The following DPP10 variants were observed in gnomAD, a reference collection of about 807,000 sequenced individuals.
DPP10 encodes inactive dipeptidyl peptidase 10.
In DPP10, 33 loss-of-function variants were observed where a neutral mutation model predicts 120.9. The observed-to-expected ratio is 0.27, with a 90% CI of 0.21 to 0.37. DPP10 has a LOEUF of 0.37. Among genes scored for constraint, DPP10 ranks in the 10% least tolerant of loss-of-function variants. The pLI is 1.00. For synonymous variants in DPP10, 337 were observed against 326.1 expected, an observed-to-expected ratio of 1.03 and a Z score of -0.36; for missense variants, 816 against 942.8, an observed-to-expected ratio of 0.87 and a Z score of 1.76.
intron 2 of DPP10, among the ~76,000 whole-genome samples, chr2:115,342,803 A>AT (rs2106253800): frequency 6.6e-6 from 1 of 151,898 alleles, no homozygotes; most frequent in African/African-American, 2.4e-5. Flanking sequence ...TTTTTTTTCC[A>AT]TTTTTTCTTG....
At chr2:114,962,638 T>C (rs992184743) in intron 1 of DPP10, among the ~76,000 whole-genome samples, 1 of 152,230 alleles carries the variant, frequency 6.6e-6, no homozygotes, top group Non-Finnish European at 1.5e-5. Context: ...TTACGATGTC[T>C]GCCCTTTGAG....
intron 5 of DPP10, among the ~76,000 whole-genome samples, chr2:115,587,573 C>T (rs527719343): frequency 6.6e-6 from 1 of 152,186 alleles, no homozygotes; most frequent in East Asian, 1.9e-4. Context: ...CTTCGTGCAC[C>T]CCCATGTTCT....
At chr2:115,085,855 C>T (rs1218861841) in intron 1 of DPP10, among the ~76,000 whole-genome samples, 2 of 152,186 alleles carry the variant, frequency 1.3e-5, no homozygotes, top group Non-Finnish European at 2.9e-5. Flanking sequence ...TCACCAACTC[C>T]TATATGAGGA....
intron 1 of DPP10, among the ~76,000 whole-genome samples, chr2:114,511,993 C>T (rs1684185710): frequency 6.6e-6 from 1 of 152,166 alleles, no homozygotes; most frequent in African/African-American, 2.4e-5. Context: ...ACTATCAAAA[C>T]AATAATCTTT....
At chr2:114,497,066 T>C (rs570396221) in intron 1 of DPP10, among the ~76,000 whole-genome samples, 2,249 of 150,406 alleles carry the variant, frequency 0.015, 56 homozygotes, top group African/African-American at 0.052. Context: ...CATATATACA[T>C]ACACATATAC....
At chr2:115,351,123 G>A (rs1229581589) in intron 3 of DPP10, among the ~76,000 whole-genome samples, 2 of 151,926 alleles carry the variant, frequency 1.3e-5, no homozygotes, top group Non-Finnish European at 2.9e-5. Context: ...ATCAACCTAG[G>A]TGCCCCAAAA....
chr2:115,356,808 A>G (rs2064425452), intron 3 of DPP10, among the ~76,000 whole-genome samples: 1 of 152,092 alleles, frequency 6.6e-6, no homozygotes, highest in Non-Finnish European at 1.5e-5. Flanking sequence ...TGTCTTTGCT[A>G]TTGTAAAGGG....
chr2:115,715,730 CTT>C (rs569326794), intron 7 of DPP10, among the ~76,000 whole-genome samples: 120 of 152,308 alleles, frequency 7.9e-4, no homozygotes, highest in African/African-American at 2.9e-3. Context: ...CACATGCACA[CTT>C]TTCTTTTTTC....
intron 7 of DPP10, among the ~76,000 whole-genome samples, chr2:115,717,912 T>A (rs2092545178): frequency 6.6e-6 from 1 of 152,070 alleles, no homozygotes; most frequent in Admixed American, 6.6e-5. Context: ...TGTCTTATGG[T>A]TAAAGACTGG....
intron 5 of DPP10, among the ~76,000 whole-genome samples, chr2:115,562,752 T>C (rs1254020733): frequency 6.6e-6 from 1 of 152,202 alleles, no homozygotes; most frequent in Admixed American, 6.5e-5. Context: ...TGAAAAACAC[T>C]ATTTCAGTTT....
chr2:115,544,624 G>T (rs1022747814), intron 5 of DPP10, among the ~76,000 whole-genome samples: 1 of 152,022 alleles, frequency 6.6e-6, no homozygotes, highest in East Asian at 1.9e-4. Context: ...GTATAACTCT[G>T]GTTATAGGCT....
chr2:115,268,471 A>G (rs1464265645), intron 1 of DPP10, among the ~76,000 whole-genome samples: 1 of 152,312 alleles, frequency 6.6e-6, no homozygotes, highest in East Asian at 1.9e-4. Context: ...GACTTCCTAA[A>G]ATACGATGCA....
At chr2:115,175,491 C>A (rs908563845) in intron 1 of DPP10, among the ~76,000 whole-genome samples, 1 of 152,288 alleles carries the variant, frequency 6.6e-6, no homozygotes, top group South Asian at 2.1e-4. Context: ...CAAGCTACTT[C>A]CCTTCCCTTG....
Position 114,923,879 on chromosome 2 carries a change from T to C in DPP10, c.61-385360T>C, listed in dbSNP as rs187466394. Reference sequence around the variant, plus strand: ...ATGTTTTTGGTGTCATATCTAAGAATATTATTTAATTTGTTTTTTATTTTT... The same window carrying C: ...ATGTTTTTGGTGTCATATCTAAGAACATTATTTAATTTGTTTTTTATTTTT... On this transcript the variant is annotated intron_variant, in intron 1 of 25. Coordinates refer to ENST00000410059, the MANE Select transcript of DPP10 (RefSeq NM_020868.6). 1.3e-4 allele frequency among the ~76,000 whole-genome samples: 20 copies of C among 152,276 alleles called. 1 individual carries two copies. In the Middle Eastern group the frequency reaches 0.017, roughly 129 times the overall value.
intron 1 of DPP10, among the ~76,000 whole-genome samples, chr2:115,060,515 C>T (rs530253263): frequency 1.4e-4 from 22 of 152,238 alleles, no homozygotes; most frequent in African/African-American, 5.3e-4. Context: ...TCCCTTGAGC[C>T]TGGAACTTCG....
intron 1 of DPP10, among the ~76,000 whole-genome samples, chr2:114,599,310 A>G (rs1366957531): frequency 6.6e-6 from 1 of 152,022 alleles, no homozygotes; most frequent in African/African-American, 2.4e-5. Flanking sequence ...GCTTATACAC[A>G]TTTAATTCAC....
intron 1 of DPP10, among the ~76,000 whole-genome samples, chr2:114,514,967 G>A (rs998148204): frequency 2.6e-5 from 4 of 152,132 alleles, no homozygotes; most frequent in Admixed American, 6.6e-5. Flanking sequence ...GGAAAAGCAA[G>A]TTGTGCATAA....
chr2:114,505,828 G>A (rs938808206), intron 1 of DPP10, among the ~76,000 whole-genome samples: 1 of 152,092 alleles, frequency 6.6e-6, no homozygotes, highest in African/African-American at 2.4e-5. Context: ...GAACTTATAT[G>A]GTAGCTGTTT....
chr2:114,817,499 G>A (rs142386633), intron 1 of DPP10, among the ~76,000 whole-genome samples: 5 of 152,280 alleles, frequency 3.3e-5, no homozygotes, highest in African/African-American at 9.6e-5. Context: ...TATTACCAGA[G>A]TCCAGTGAGA....
Sources: gnomAD v4.1 joint callset for allele counts (sites outside exome capture counted in the v4.1 genomes callset) on GRCh38, gnomAD v4.1.1 for gene constraint, MANE v1.5 for transcripts, NCBI Gene and HGNC (gene_info 2026-07-23, HGNC 2026-07-21) for gene names.